SNX24: variants seen among roughly 807,000 people sequenced by gnomAD.
SNX24 encodes sorting nexin 24.
A neutral mutation model predicts 28.7 loss-of-function variants in SNX24; 22 were observed. The observed-to-expected ratio is 0.77, with a 90% confidence interval of 0.55 to 1.10. SNX24 has a LOEUF of 1.10. Ranked by LOEUF, SNX24 falls within the 50% of genes least tolerant of loss-of-function variation. The probability of loss-of-function intolerance (pLI) is 0.00; values close to 1 mark genes in which losing one functional copy is unlikely to be tolerated. For missense variants in SNX24, 221 were observed against 201.1 expected, an observed-to-expected ratio of 1.10 and a Z score of -0.60; for synonymous variants, 69 against 71.5, an observed-to-expected ratio of 0.96 and a Z score of 0.18.
chr5:122,914,749 T>G (rs1016804679), intron 1 of SNX24, among the ~76,000 whole-genome samples: 7 of 152,164 alleles, frequency 4.6e-5, no homozygotes, highest in African/African-American at 1.7e-4. Flanking sequence ...GATATCCCCT[T>G]TATCATTTTT....
chr5:122,871,031 C>G (rs1755952517), intron 1 of SNX24, among the ~76,000 whole-genome samples: 1 of 152,166 alleles, frequency 6.6e-6, no homozygotes, highest in Non-Finnish European at 1.5e-5. Flanking sequence ...ATGGATTGAG[C>G]ATCAGAATTT....
chr5:122,973,857 G>A (rs970768169), intron 3 of SNX24, among the ~76,000 whole-genome samples: 1 of 152,166 alleles, frequency 6.6e-6, no homozygotes, highest in Non-Finnish European at 1.5e-5. Flanking sequence ...AAAAATCTTA[G>A]AGGCCTTTGC....
At chr5:122,959,302 G>C (rs1306219629) in intron 3 of SNX24, among the ~76,000 whole-genome samples, 1 of 139,846 alleles carries the variant, frequency 7.2e-6, no homozygotes, top group African/African-American at 2.6e-5. Flanking sequence ...TTTTTTTCGT[G>C]TATTCCATTT....
downstream of SNX24, among the ~76,000 whole-genome samples, chr5:123,010,796 TATTTA>T (rs1209939392): frequency 3.9e-5 from 6 of 152,218 alleles, no homozygotes; most frequent in Admixed American, 1.3e-4. Flanking sequence ...AGTGTACATA[TATTTA>T]ATTTCTCCTC....
At chr5:122,941,351 A>G (rs1759436439) in intron 2 of SNX24, among the ~76,000 whole-genome samples, 1 of 152,046 alleles carries the variant, frequency 6.6e-6, no homozygotes, top group Non-Finnish European at 1.5e-5. Flanking sequence ...CACTCCTCCT[A>G]AGAGCTCTTC....
intron 1 of SNX24, among the ~76,000 whole-genome samples, chr5:122,904,673 A>G (rs1757575043): frequency 6.6e-6 from 1 of 152,218 alleles, no homozygotes; most frequent in South Asian, 2.1e-4. Flanking sequence ...TTACATGATC[A>G]TCAGATAATT....
chr5:122,961,999 T>A (rs1051719115), intron 3 of SNX24, among the ~76,000 whole-genome samples: 1 of 152,216 alleles, frequency 6.6e-6, no homozygotes, highest in Non-Finnish European at 1.5e-5. Flanking sequence ...ATTTGTAGAT[T>A]TTATGGTAAT....
chr5:122,944,509 G>T (rs539110553), intron 2 of SNX24, among the ~76,000 whole-genome samples: 7 of 152,286 alleles, frequency 4.6e-5, no homozygotes, highest in Non-Finnish European at 1.0e-4. Context: ...CCTTATTCAT[G>T]TGGGATTAGA....
At position 122,975,636 on chromosome 5, in the gene SNX24, T is replaced by C. The variant is rs189999533; in HGVS notation, c.250-24276T>C. Reference sequence around the variant, plus strand: ...ACATATGACAAAGATCTGATTCCTATGATATGCAAAGAGCTTTTACAAATC... The same window carrying C: ...ACATATGACAAAGATCTGATTCCTACGATATGCAAAGAGCTTTTACAAATC... On this transcript the variant is annotated intron_variant, in intron 3 of 6. Transcript: ENST00000261369. Among the ~76,000 whole-genome samples, 512 of 152,320 alleles carry C rather than the reference T, an allele frequency of 3.4e-3. 4 individuals carry two copies. The highest frequency in any genetic ancestry group is 0.012 in the African/African-American group (488 of 41,580).
chr5:123,023,654 G>A (rs45605533), intron 5 of SNX24: 27 of 500,986 alleles, frequency 5.4e-5, no homozygotes, highest in African/African-American at 5.3e-4. Flanking sequence ...TGAGGAAGGG[G>A]ATATATTTAA....
Position 123,007,659 on chromosome 5 carries a change from CTTTT to C in SNX24, c.443-15_443-12del, listed in dbSNP as rs760607897. ...GAAAAGCAGTTTTTCTTTTTTTTTT[CTTTT>C]TTTTTTTCTTTTTTTCAGATTTTCC... On this transcript the variant is annotated intron_variant, in intron 6 of 6. Coordinates refer to ENST00000261369, the MANE Select transcript of SNX24 (RefSeq NM_014035.4). 48 of 1,153,320 alleles carry C rather than the reference CTTTT, an allele frequency of 4.2e-5. No individual in the cohort carries two copies. The highest frequency in any genetic ancestry group is 5.2e-5 in the Non-Finnish European group (44 of 840,486). 71.4% of individuals were successfully genotyped at this position (1,153,320 alleles called of 1,614,324 possible).
chr5:122,947,731 G>A (rs2150126674), intron 3 of SNX24, among the ~76,000 whole-genome samples: 1 of 152,248 alleles, frequency 6.6e-6, no homozygotes, highest in East Asian at 1.9e-4. Context: ...TATGCAAAGA[G>A]TAAAAATGCA....
Position 123,008,288 on chromosome 5 carries a change from T to C in SNX24, c.*539T>C. On this transcript the variant is annotated 3_prime_UTR_variant, in exon 7 of 7. Coordinates refer to ENST00000261369, the MANE Select transcript of SNX24 (RefSeq NM_014035.4). ...TGGAACTAAACTGGAAATTAAATTA[T>C]ACTGACAATATTATGGCATTTTTAA... 2.0e-6 allele frequency: 2 copies of C among 984,200 alleles called. No individual in the cohort carries two copies. The highest frequency in any genetic ancestry group is 2.4e-6 in the Non-Finnish European group (2 of 828,792). 61.0% of individuals were successfully genotyped at this position (984,200 alleles called of 1,614,324 possible).
intron 3 of SNX24, among the ~76,000 whole-genome samples, chr5:122,946,519 T>G (rs2150125705): frequency 6.6e-6 from 1 of 152,334 alleles, no homozygotes; most frequent in East Asian, 1.9e-4. Context: ...TTTTGAGTTT[T>G]GCGGGGCTGG....
intron 1 of SNX24, among the ~76,000 whole-genome samples, chr5:122,932,775 C>G (rs1343549483): frequency 6.9e-6 from 1 of 145,406 alleles, no homozygotes; most frequent in Non-Finnish European, 1.5e-5. Context: ...AGGAGAATGG[C>G]GTGAACCCAG....
At chr5:122,913,331 C>G (rs1402639022) in intron 1 of SNX24, among the ~76,000 whole-genome samples, 2 of 151,718 alleles carry the variant, frequency 1.3e-5, no homozygotes, top group South Asian at 2.1e-4. Flanking sequence ...GACGGGGCGG[C>G]TGGCCGGGCG....
intron 2 of SNX24, among the ~76,000 whole-genome samples, chr5:122,938,408 A>G (rs1759275756): frequency 6.6e-6 from 1 of 152,210 alleles, no homozygotes; most frequent in Non-Finnish European, 1.5e-5. Context: ...AATGAGGTCT[A>G]CTAGCATTAA....
intron 3 of SNX24, among the ~76,000 whole-genome samples, chr5:122,959,678 T>A (rs1376024539): frequency 7.9e-5 from 12 of 152,128 alleles, no homozygotes; most frequent in Non-Finnish European, 1.5e-5. Context: ...TGGGTTTTTT[T>A]TTTATTTTTT....
chr5:122,960,209 A>G (rs1022402281), intron 3 of SNX24, among the ~76,000 whole-genome samples: 2 of 152,204 alleles, frequency 1.3e-5, no homozygotes, highest in Non-Finnish European at 2.9e-5. Context: ...GAAAATGTTT[A>G]AACAACATCC....
Sources: allele counts gnomAD v4.1 joint callset (sites outside exome capture counted in the v4.1 genomes callset), GRCh38; gene constraint gnomAD v4.1.1; transcripts MANE v1.5; gene names NCBI Gene and HGNC (gene_info 2026-07-23, HGNC 2026-07-21).